Variants in UBAP1 observed in about 807,000 individuals in gnomAD.
The protein encoded by UBAP1 is ubiquitin-associated protein 1.
Under a neutral mutation model 39.0 loss-of-function variants are expected in UBAP1, and 5 were observed. The observed-to-expected ratio is 0.13, with a 90% CI of 0.07 to 0.27. UBAP1 has a LOEUF of 0.27. UBAP1 is among the 10% of genes least tolerant of loss of function. UBAP1 has a pLI of 1.00. For missense variants in UBAP1, 490 were observed against 608.1 expected, an observed-to-expected ratio of 0.81 and a Z score of 2.04; for synonymous variants, 211 against 225.1, an observed-to-expected ratio of 0.94 and a Z score of 0.56.
At chr9:34,214,410 T>TA (rs1352507666) in intron 1 of UBAP1, among the ~76,000 whole-genome samples, 3 of 151,906 alleles carry the variant, frequency 2.0e-5, no homozygotes, top group South Asian at 4.2e-4. Flanking sequence ...AACAAAAACA[T>TA]AAAGTGGGGA....
intron 2 of UBAP1, among the ~76,000 whole-genome samples, chr9:34,226,111 G>GTGTGTGTGTGTGTGTGTGTGTGTGTGTT (rs1563911091): frequency 2.2e-4 from 18 of 80,150 alleles, no homozygotes; most frequent in African/African-American, 6.2e-4. Context: ...TCTATTGTGT[G>GTGTGTGTGTGTGTGTGTGTGTGTGTGTT]TGTGTGTGTG....
In UBAP1 at chr9:34,242,072, C is replaced by T. The variant is rs1300692115; in HGVS notation, c.1047C>T (p.Cys349=). 1 of 1,609,334 alleles carries T rather than the reference C, an allele frequency of 6.2e-7. No homozygotes were observed. Residue 349 remains cysteine, a synonymous_variant, in exon 4 of 7, where the codon TGC becomes TGT. Transcript: ENST00000297661. ...CTTCCCTCTCTGTTTTGTCTGTGTG[C>T]ACAGAGGAATCATCACCTCCAAATA... is the stretch of plus-strand genomic sequence containing the variant. ...QMPSLSVLSV[C]TEESSPPNTG... is the part of the protein sequence containing the mutation.
intron 5 of UBAP1, 104 bp from the exon 6 acceptor site, chr9:34,250,554 T>C (rs2131637730): frequency 1.2e-6 from 1 of 824,264 alleles, no homozygotes; most frequent in Non-Finnish European, 1.9e-6. Context: ...TCTGACGGCC[T>C]GGGTGGGGCG....
At chr9:34,186,534 T>C (rs1167428679) in intron 1 of UBAP1, among the ~76,000 whole-genome samples, 1 of 152,168 alleles carries the variant, frequency 6.6e-6, no homozygotes, top group Non-Finnish European at 1.5e-5. Flanking sequence ...CACTTGATAT[T>C]GTCAGATTTT....
intron 4 of UBAP1, among the ~76,000 whole-genome samples, chr9:34,244,163 T>TG (rs1282013973): frequency 2.3e-4 from 35 of 152,280 alleles, no homozygotes; most frequent in African/African-American, 8.4e-4. Context: ...TCTATTTTTT[T>TG]TGTACCTATT....
At chr9:34,195,758 C>T (rs1484169579) in intron 1 of UBAP1, among the ~76,000 whole-genome samples, 8 of 151,324 alleles carry the variant, frequency 5.3e-5, no homozygotes, top group Admixed American at 1.3e-4. Context: ...CCACTATGCC[C>T]GGCTAATTTT....
rs548177267 is a variant in UBAP1, at chr9:34,236,744, G to T, written c.159+2404G>T. 4.6e-5 allele frequency among the ~76,000 whole-genome samples: 7 copies of T among 151,828 alleles called. No individual in the cohort carries two copies. The East Asian group carries it at 9.7e-4, about 21-fold the overall frequency. On this transcript the variant is annotated intron_variant, in intron 3 of 6. Transcript: ENST00000297661. Reference sequence around the variant, plus strand: ...TCTTTAATTGGCCCTTCTGCTTGCGGTGTTTTCCTTCTATTTTTTACATAG... The same window carrying T: ...TCTTTAATTGGCCCTTCTGCTTGCGTTGTTTTCCTTCTATTTTTTACATAG...
Position 34,251,650 on chromosome 9 carries a change from CAGGTGTGG to C in UBAP1, c.*121_*128del. On this transcript the variant is annotated 3_prime_UTR_variant, in exon 7 of 7. Coordinates refer to ENST00000297661, the MANE Select transcript of UBAP1 (RefSeq NM_016525.5). ...GATTTTCTTTTGGGGGTTAGAAGGT[CAGGTGTGG>C]AGACTGCTCGCCAGTCTCTGTGAGC... 1 of 1,208,624 alleles carries C rather than the reference CAGGTGTGG, an allele frequency of 8.3e-7. No individual in the cohort carries two copies. Among genetic ancestry groups the C allele is most frequent in the Non-Finnish European group, 1.1e-6 (1 of 884,400 alleles). 74.9% of individuals were successfully genotyped at this position (1,208,624 alleles called of 1,614,324 possible).
chr9:34,227,806 T>G (rs905551414), intron 2 of UBAP1, among the ~76,000 whole-genome samples: 9 of 152,128 alleles, frequency 5.9e-5, no homozygotes, highest in African/African-American at 2.2e-4. Context: ...TAAAAGGTAT[T>G]TGAGGTTGAG....
At chr9:34,214,406 A>C (rs1832186193) in intron 1 of UBAP1, among the ~76,000 whole-genome samples, 1 of 152,226 alleles carries the variant, frequency 6.6e-6, no homozygotes, top group Non-Finnish European at 1.5e-5. Flanking sequence ...AGCAAACAAA[A>C]ACATAAAGTG....
intron 2 of UBAP1, among the ~76,000 whole-genome samples, chr9:34,223,656 C>T (rs887111995): frequency 3.3e-5 from 5 of 152,134 alleles, no homozygotes; most frequent in African/African-American, 1.2e-4. Context: ...GGGGTTTTAC[C>T]GTATTAGCCA....
chr9:34,243,872 C>G (rs965021959), intron 4 of UBAP1, among the ~76,000 whole-genome samples: 1 of 151,992 alleles, frequency 6.6e-6, no homozygotes, highest in Admixed American at 6.6e-5. Context: ...TTTTCTTCAA[C>G]AGAGTCTCGC....
intron 1 of UBAP1, among the ~76,000 whole-genome samples, chr9:34,198,363 G>T (rs890830214): frequency 1.3e-5 from 2 of 152,206 alleles, no homozygotes; most frequent in African/African-American, 4.8e-5. Context: ...TGCTGGCCCT[G>T]CTCCAAGGTT....
chr9:34,183,021 G>C (rs2131486503), intron 1 of UBAP1, among the ~76,000 whole-genome samples: 1 of 151,920 alleles, frequency 6.6e-6, no homozygotes, highest in South Asian at 2.1e-4. Context: ...CTCTTGATCC[G>C]CCCATCTCAG....
intron 1 of UBAP1, among the ~76,000 whole-genome samples, chr9:34,186,522 A>C (rs1830414707): frequency 6.6e-6 from 1 of 152,110 alleles, no homozygotes; most frequent in African/African-American, 2.4e-5. Flanking sequence ...CTTCCTCCTC[A>C]ACACTTGATA....
chr9:34,185,827 C>G (rs997647506), intron 1 of UBAP1, among the ~76,000 whole-genome samples: 3 of 152,178 alleles, frequency 2.0e-5, no homozygotes, highest in Admixed American at 6.5e-5. Flanking sequence ...GCCTGGCTGA[C>G]AGAACGCATC....
intron 1 of UBAP1, among the ~76,000 whole-genome samples, chr9:34,200,579 G>A (rs908522741): frequency 6.6e-6 from 1 of 152,112 alleles, no homozygotes; most frequent in African/African-American, 2.4e-5. Context: ...AGAGCTATAT[G>A]CTTTAGAATT....
Position 34,226,127 on chromosome 9 carries a change from G to GTGTGTGTGTGTGTT in UBAP1, c.34+5192_34+5193insTTGTGTGTGTGTGT, listed in dbSNP as rs1554650818. 3.8e-3 allele frequency among the ~76,000 whole-genome samples: 522 copies of GTGTGTGTGTGTGTT among 137,314 alleles called. 4 individuals are homozygous for GTGTGTGTGTGTGTT. Among genetic ancestry groups the GTGTGTGTGTGTGTT allele is most frequent in the South Asian group, 0.012 (52 of 4,228 alleles). 90.1% of individuals were successfully genotyped at this position (137,314 alleles called of 152,430 possible). ...CTATTGTGTGTGTGTGTGTGTGTGT[G>GTGTGTGTGTGTGTT]TGTGTGTGTGTGTGTGTGTGTGTGT... On this transcript the variant is annotated intron_variant, in intron 2 of 6. Transcript: ENST00000297661.
chr9:34,239,597 CTTAG>C (rs1216478753), intron 3 of UBAP1, among the ~76,000 whole-genome samples: 1 of 152,170 alleles, frequency 6.6e-6, no homozygotes, highest in African/African-American at 2.4e-5. Context: ...TGAGGTAGCC[CTTAG>C]TGTCATGGTT....
Sources: allele counts gnomAD v4.1 joint callset (sites outside exome capture counted in the v4.1 genomes callset), GRCh38; gene constraint gnomAD v4.1.1; transcripts MANE v1.5; gene names NCBI Gene and HGNC (gene_info 2026-07-23, HGNC 2026-07-21).